SPATA9: variants seen among roughly 807,000 people sequenced by gnomAD.
SPATA9 encodes spermatogenesis associated 9.
Under a neutral mutation model 25.5 loss-of-function variants are expected in SPATA9, and 27 were observed. The observed-to-expected ratio is 1.06, with a 90% confidence interval of 0.78 to 1.46. SPATA9 has a LOEUF of 1.46. SPATA9 is among the 40% of genes most tolerant of loss of function. SPATA9 has a pLI of 0.00. For missense variants in SPATA9, 282 were observed against 297.5 expected, an observed-to-expected ratio of 0.95 and a Z score of 0.38; for synonymous variants, 102 against 105.7, an observed-to-expected ratio of 0.97 and a Z score of 0.21.
At chr5:95,662,421 G>A (rs908645752) in intron 4 of SPATA9, among the ~76,000 whole-genome samples, 2 of 152,082 alleles carry the variant, frequency 1.3e-5, no homozygotes, top group African/African-American at 2.4e-5. Context: ...ATTATGATAT[G>A]CTTTTATTTA....
chr5:95,706,734 C>G, the SPATA9 span, among the ~76,000 whole-genome samples: 31,519 of 151,934 alleles, frequency 0.21, 3,730 homozygotes, highest in African/African-American at 0.32. Context: ...GAAAAGAGGA[C>G]AATTTCTCCC....
chr5:95,682,658 A>G (rs771996121), intron 1 of SPATA9, 42 bp from the exon 2 acceptor site: 1 of 1,553,744 alleles, frequency 6.4e-7, no homozygotes, highest in Non-Finnish European at 8.8e-7. Flanking sequence ...CTTTGAAAAC[A>G]TCCCCTAAAT....
At chr5:95,706,861 C>A in the SPATA9 span, among the ~76,000 whole-genome samples, 1 of 151,860 alleles carries the variant, frequency 6.6e-6, no homozygotes, top group Admixed American at 6.6e-5. Context: ...ATTTTGTATG[C>A]AAAGTATACC....
intron 1 of SPATA9, among the ~76,000 whole-genome samples, chr5:95,697,055 T>C (rs746370097): frequency 1.4e-4 from 21 of 152,238 alleles, no homozygotes; most frequent in Non-Finnish European, 1.8e-4. Context: ...TATCTTTGCA[T>C]AGCAAATTAC....
At chr5:95,676,850 T>C (rs1029774445) in intron 2 of SPATA9, among the ~76,000 whole-genome samples, 1 of 152,202 alleles carries the variant, frequency 6.6e-6, no homozygotes, top group Admixed American at 6.5e-5. Context: ...TTGCTCTCAG[T>C]GTAAAAGCCA....
At chr5:95,686,560 G>C (rs919605188), upstream of SPATA9, among the ~76,000 whole-genome samples, 1 of 152,166 alleles carries the variant, frequency 6.6e-6, no homozygotes, top group East Asian at 1.9e-4. Context: ...TTAGAGACTA[G>C]TGAAAAGTTT....
chr5:95,667,303 A>T (rs1751904316), intron 3 of SPATA9, among the ~76,000 whole-genome samples: 1 of 119,876 alleles, frequency 8.3e-6, no homozygotes, highest in Non-Finnish European at 1.6e-5. Context: ...GATCTAGCCT[A>T]GTAGCTAAGA....
At chr5:95,652,479 T>A, downstream of SPATA9, 1 of 988,756 alleles carries the variant, frequency 1.0e-6, no homozygotes, top group Non-Finnish European at 1.4e-6. Flanking sequence ...GTAAAATATA[T>A]ATAGCTCTTG....
the SPATA9 span, among the ~76,000 whole-genome samples, chr5:95,714,651 C>A: frequency 6.7e-6 from 1 of 149,674 alleles, no homozygotes; most frequent in African/African-American, 2.5e-5. Flanking sequence ...AAGAGAGAAT[C>A]ATTTTTAACA....
intron 1 of SPATA9, among the ~76,000 whole-genome samples, chr5:95,689,255 A>G (rs886561758): frequency 6.6e-6 from 1 of 152,206 alleles, no homozygotes; most frequent in Non-Finnish European, 1.5e-5. Context: ...GAAACAGTCC[A>G]TTATTGTATA....
the SPATA9 span, among the ~76,000 whole-genome samples, chr5:95,715,194 CAT>C: frequency 1.1e-4 from 16 of 151,954 alleles, no homozygotes; most frequent in East Asian, 5.8e-4. Flanking sequence ...CGTGGTGGTG[CAT>C]GCCTGTAGTC....
the SPATA9 span, among the ~76,000 whole-genome samples, chr5:95,720,079 G>A: frequency 6.6e-6 from 1 of 152,168 alleles, no homozygotes; most frequent in Non-Finnish European, 1.5e-5. Flanking sequence ...TTACAAATGA[G>A]CAAATTAGTA....
intron 4 of SPATA9, among the ~76,000 whole-genome samples, chr5:95,663,398 T>C (rs958818577): frequency 6.6e-6 from 1 of 152,220 alleles, no homozygotes; most frequent in Non-Finnish European, 1.5e-5. Context: ...TCTGGAATTA[T>C]GGTAATGTTT....
At chr5:95,696,044 C>G (rs1049284403) in intron 1 of SPATA9, among the ~76,000 whole-genome samples, 2 of 152,202 alleles carry the variant, frequency 1.3e-5, no homozygotes, top group Non-Finnish European at 2.9e-5. Context: ...CAATGAAGAC[C>G]TGGGTCCTGT....
chr5:95,692,405 G>A (rs188287607), intron 1 of SPATA9, among the ~76,000 whole-genome samples: 7 of 151,964 alleles, frequency 4.6e-5, no homozygotes, highest in Admixed American at 1.3e-4. Context: ...TTTGGGGACC[G>A]GTTTTGGTGA....
chr5:95,731,832 C>T, the SPATA9 span: 2 of 1,604,796 alleles, frequency 1.2e-6, no homozygotes, highest in Admixed American at 1.7e-5. Flanking sequence ...TGCTTCCCTT[C>T]TCCCCTCGCC....
At chr5:95,678,032 G>A (rs1345691184) in intron 2 of SPATA9, among the ~76,000 whole-genome samples, 1 of 152,102 alleles carries the variant, frequency 6.6e-6, no homozygotes, top group African/African-American at 2.4e-5. Flanking sequence ...GGGACAGAAG[G>A]GTTGGAAAGA....
chr5:95,721,047 C>T, the SPATA9 span, among the ~76,000 whole-genome samples: 56 of 152,220 alleles, frequency 3.7e-4, no homozygotes, highest in Middle Eastern at 3.4e-3. Context: ...TAATTTTACC[C>T]GGTGGTAATT....
the SPATA9 span, among the ~76,000 whole-genome samples, chr5:95,708,038 A>G: frequency 6.6e-6 from 1 of 151,614 alleles, no homozygotes; most frequent in Non-Finnish European, 1.5e-5. Flanking sequence ...CCCAAAAATT[A>G]AAGTTAATAG....
Sources: allele counts gnomAD v4.1 joint callset (sites outside exome capture counted in the v4.1 genomes callset), GRCh38; gene constraint gnomAD v4.1.1; transcripts MANE v1.5; gene names NCBI Gene and HGNC (gene_info 2026-07-23, HGNC 2026-07-21).